TRANK1: variants seen among roughly 807,000 people sequenced by gnomAD.
TRANK1 encodes TPR and ankyrin repeat-containing protein 1.
TRANK1 carries 198 observed loss-of-function variants against 266.0 expected under a neutral mutation model. That is an observed-to-expected ratio of 0.74 (90% CI 0.66 to 0.84). The LOEUF (loss-of-function observed/expected upper bound fraction) is 0.84, where lower values mean the gene tolerates loss of function less well. Ranked by LOEUF, TRANK1 falls within the 40% of genes least tolerant of loss-of-function variation. The pLI, the probability that TRANK1 is intolerant of heterozygous loss-of-function variation, is 0.00. For missense variants in TRANK1, 3,326 were observed against 3,634.6 expected, an observed-to-expected ratio of 0.92 and a Z score of 2.18; for synonymous variants, 1,396 against 1,384.1, an observed-to-expected ratio of 1.01 and a Z score of -0.19.
At chr3:36,842,520 A>G (rs35646283) in intron 18 of TRANK1, 102 bp downstream of exon 18, 17,842 of 1,005,924 alleles carry the variant, frequency 0.018, 275 homozygotes, top group Admixed American at 0.027. Flanking sequence ...AAGCACCATT[A>G]CGCTCATCCT....
intron 20 of TRANK1, among the ~76,000 whole-genome samples, chr3:36,837,355 T>A (rs1239162077): frequency 1.3e-5 from 2 of 152,158 alleles, no homozygotes; most frequent in African/African-American, 4.8e-5. Flanking sequence ...GAGGGCCTTA[T>A]CCTCTTCTTC....
Position 36,937,739 on chromosome 3 carries a change from A to G in TRANK1, c.23+7048T>C, listed in dbSNP as rs758735590. 2.8e-4 allele frequency among the ~76,000 whole-genome samples: 43 copies of G among 152,326 alleles called. 1 individual carries two copies. Among genetic ancestry groups the G allele is most frequent in the Admixed American group, 8.5e-4 (13 of 15,304 alleles). Reference sequence around the variant, plus strand: ...ATCTGTGCTAGGCCTAGGCTGCCCAATAACTGCCATTTTTCCTTCATGGCC... The same window carrying G: ...ATCTGTGCTAGGCCTAGGCTGCCCAGTAACTGCCATTTTTCCTTCATGGCC... On this transcript the variant is annotated intron_variant, in intron 1 of 23. Transcript: ENST00000645898.
At position 36,856,293 on chromosome 3, in the gene TRANK1, A is replaced by C; in HGVS notation, c.3429T>G (p.Asp1143Glu). 3 of 1,591,550 alleles carry C rather than the reference A, an allele frequency of 1.9e-6. No individual in the cohort carries two copies. The highest frequency in any genetic ancestry group is 2.6e-6 in the Non-Finnish European group (3 of 1,168,648). The change falls in exon 13 of 24, where the codon GAT becomes GAG. Residue 1143 changes from aspartate (D) to glutamate (E), a missense_variant. Asp to Glu is a conservative substitution (Grantham distance 45). Transcript: ENST00000645898. ...EEEEEDEEEEDSIEVETVESI... is the reference protein window; with the variant it reads ...EEEEEDEEEEESIEVETVESI... ...TTTCTACTGTTTCCACTTCAATAGA[A>C]TCTTCCTCTTCCTCGTCCTCTTCCT...
At position 36,864,358 on chromosome 3, in the gene TRANK1, C is replaced by T. The variant is rs1310269387; in HGVS notation, c.1201G>A (p.Val401Ile). 3.9e-6 allele frequency: 6 copies of T among 1,536,720 alleles called. No individual in the cohort carries two copies. The African/African-American group carries it at 4.1e-5, about 11-fold the overall frequency. ...LLHKNFLKQE[V>I]VQRFLRLLST... ...AGGAGACGCAAGAACCTCTGAACTA[C>T]TTCCTGCTTCAGAAAGTTTTTATGC... The change falls in exon 10 of 24, where the codon GTA (valine) becomes ATA (isoleucine). Residue 401 changes from valine (V) to isoleucine (I), a missense_variant. Transcript: ENST00000645898.
intron 9 of TRANK1, among the ~76,000 whole-genome samples, chr3:36,865,285 C>T (rs1387834685): frequency 6.6e-6 from 1 of 152,130 alleles, no homozygotes; most frequent in African/African-American, 2.4e-5. Context: ...CTCAGCCTCC[C>T]AAAGTGCTGG....
chr3:36,908,225 A>C, intron 2 of TRANK1, 98 bp downstream of exon 2: 2 of 1,208,896 alleles, frequency 1.7e-6, no homozygotes, highest in Non-Finnish European at 2.1e-6. Context: ...TAAAGAAAAC[A>C]GAAACAGGGT....
intron 1 of TRANK1, among the ~76,000 whole-genome samples, chr3:36,921,365 G>A (rs1260626963): frequency 1.3e-5 from 2 of 152,192 alleles, no homozygotes; most frequent in Non-Finnish European, 2.9e-5. Context: ...TCCTCCTATA[G>A]AAGTAAAAAT....
At chr3:36,889,349 C>T (rs540352175) in intron 8 of TRANK1, among the ~76,000 whole-genome samples, 1 of 152,308 alleles carries the variant, frequency 6.6e-6, no homozygotes, top group South Asian at 2.1e-4. Flanking sequence ...ACCAGCTTTT[C>T]CTTGCATGTG....
intron 14 of TRANK1, 51 bp from the exon 15 acceptor site, chr3:36,851,907 C>A: frequency 6.5e-7 from 1 of 1,539,962 alleles, no homozygotes; most frequent in Non-Finnish European, 8.7e-7. Flanking sequence ...CCCCAGTAAG[C>A]CTCAGTCTAT....
Position 36,831,444 on chromosome 3 carries a change from C to T in TRANK1, c.8139G>A (p.Lys2713=), listed in dbSNP as rs763291707. 1.9e-6 allele frequency: 3 copies of T among 1,613,214 alleles called. No homozygotes were observed. The highest frequency in any genetic ancestry group is 2.5e-6 in the Non-Finnish European group (3 of 1,179,598). ...DHVLATILSQ[K]QRKASIQRKL... ...TCCGCTGTATGGAGGCCTTCCGTTG[C>T]TTTTGGGAAAGAATGGTGGCCAGGA... is the stretch of plus-strand genomic sequence containing the variant. Residue 2713 remains lysine, a synonymous_variant, in exon 22 of 24, where the codon AAG becomes AAA. Coordinates refer to ENST00000645898, the MANE Select transcript of TRANK1 (RefSeq NM_001329998.2). The surrounding 1 kb of genome is among the most constrained non-coding windows in gnomAD (Gnocchi z 5.0).
chr3:36,832,978 T>G lies in TRANK1; in HGVS notation c.6605A>C (p.Glu2202Ala), dbSNP rs752742035. ...GTGAAAATGTTCACAGTTTTCATCCTCACATTTTAAGCCTACAATAAACCT... is the reference window on the plus strand; with the variant it reads ...GTGAAAATGTTCACAGTTTTCATCCGCACATTTTAAGCCTACAATAAACCT... ...CMRFIVGLKCEDENCEHFHRP... is the reference protein window; with the variant it reads ...CMRFIVGLKCADENCEHFHRP... The change falls in exon 22 of 24, where the codon GAG (glutamate) becomes GCG (alanine). Residue 2202 changes from glutamate to alanine, a missense_variant. Glu to Ala is a moderately radical substitution (Grantham distance 107, BLOSUM62 -1). Transcript: ENST00000645898. 1.2e-6 allele frequency: 2 copies of G among 1,611,166 alleles called. No individual in the cohort carries two copies. The highest frequency in any genetic ancestry group is 1.7e-6 in the Non-Finnish European group (2 of 1,178,364).
At chr3:36,927,345 C>A (rs1405033129) in intron 1 of TRANK1, among the ~76,000 whole-genome samples, 2 of 152,174 alleles carry the variant, frequency 1.3e-5, no homozygotes, top group African/African-American at 2.4e-5. Flanking sequence ...CTGGCAGGAC[C>A]AAGGGAAAGC....
chr3:36,934,725 A>G (rs535911701), intron 1 of TRANK1, among the ~76,000 whole-genome samples: 19 of 152,316 alleles, frequency 1.2e-4, no homozygotes, highest in African/African-American at 4.6e-4. Context: ...ATGACAACAA[A>G]GACTTGAGCC....
At chr3:36,930,591 G>T (rs1187850812) in intron 1 of TRANK1, among the ~76,000 whole-genome samples, 1 of 152,230 alleles carries the variant, frequency 6.6e-6, no homozygotes, top group African/African-American at 2.4e-5. Context: ...AATAAAAAAA[G>T]TCAGTGTGAA....
At chr3:36,898,152 T>C (rs963701333) in intron 4 of TRANK1, among the ~76,000 whole-genome samples, 1 of 152,136 alleles carries the variant, frequency 6.6e-6, no homozygotes, top group Non-Finnish European at 1.5e-5. Context: ...GAAAAATACA[T>C]GTGAAAAAGT....
intron 1 of TRANK1, among the ~76,000 whole-genome samples, chr3:36,909,088 C>A (rs545208939): frequency 1.3e-4 from 20 of 152,276 alleles, no homozygotes; most frequent in African/African-American, 4.8e-4. Flanking sequence ...TCTCCTGTCC[C>A]CCTCCTTTCT....
At chr3:36,830,722 T>C in intron 22 of TRANK1, 151 bp downstream of exon 22, 1 of 929,330 alleles carries the variant, frequency 1.1e-6, no homozygotes. Flanking sequence ...TCGCTATAAC[T>C]TGAGAATATA....
chr3:36,897,537 G>T (rs929703488), intron 4 of TRANK1, among the ~76,000 whole-genome samples: 1 of 152,186 alleles, frequency 6.6e-6, no homozygotes, highest in African/African-American at 2.4e-5. Context: ...AAATCTGTGA[G>T]ATTCCACCTA....
At chr3:36,909,859 T>A (rs1006614281) in intron 1 of TRANK1, among the ~76,000 whole-genome samples, 2 of 152,300 alleles carry the variant, frequency 1.3e-5, no homozygotes, top group Admixed American at 6.5e-5. Flanking sequence ...CATGTAGTAA[T>A]CTCTAAATTA....
Sources: gnomAD v4.1 joint callset for allele counts (sites outside exome capture counted in the v4.1 genomes callset) on GRCh38, gnomAD v4.1.1 for gene constraint, Gnocchi (gnomAD v3.1) non-coding constraint, MANE v1.5 for transcripts, NCBI Gene and HGNC (gene_info 2026-07-23, HGNC 2026-07-21) for gene names.